Variants in TCF7L2 observed in about 807,000 individuals in gnomAD.
The protein encoded by TCF7L2 is transcription factor 7-like 2.
A neutral mutation model predicts 77.9 loss-of-function variants in TCF7L2; 23 were observed. The ratio of observed to expected loss-of-function variants is 0.30; its 90% CI spans 0.21 to 0.42. The LOEUF is 0.42. TCF7L2 is among the 10% of genes least tolerant of loss of function. TCF7L2 has a pLI of 1.00. For missense variants in TCF7L2, 654 were observed against 793.1 expected (o/e 0.82, Z 2.11); for synonymous variants, 413 against 340.2 (o/e 1.21, Z -2.36).
chr10:113,157,918 C>A, intron 11 of TCF7L2, 103 bp from the exon 12 acceptor site: 1 of 1,203,204 alleles, frequency 8.3e-7, no homozygotes, highest in Admixed American at 2.0e-5. Context: ...ATGGAGATGG[C>A]AGTATGGTCA....
At chr10:112,988,241 G>C (rs1485498210) in intron 4 of TCF7L2, among the ~76,000 whole-genome samples, 2 of 151,872 alleles carry the variant, frequency 1.3e-5, no homozygotes, top group Non-Finnish European at 2.9e-5. Flanking sequence ...GGGATTACAG[G>C]TGCCTGCCAC....
At chr10:112,972,139 A>C (rs1231349430) in intron 4 of TCF7L2, among the ~76,000 whole-genome samples, 1 of 152,054 alleles carries the variant, frequency 6.6e-6, no homozygotes, top group Non-Finnish European at 1.5e-5. Context: ...TCAATTGATC[A>C]TTTATTGGCT....
intron 5 of TCF7L2, among the ~76,000 whole-genome samples, chr10:113,044,834 G>A (rs1013576616): frequency 3.3e-5 from 5 of 152,170 alleles, no homozygotes; most frequent in African/African-American, 7.2e-5. Flanking sequence ...GCTAGAGGTC[G>A]GGCAGGGCTC....
intron 12 of TCF7L2, 56 bp from the exon 13 acceptor site, chr10:113,158,611 C>T: frequency 1.3e-6 from 2 of 1,592,816 alleles, no homozygotes. Flanking sequence ...CAGGCTTTTA[C>T]AAACAAACAA....
chr10:112,961,323 G>C (rs1004936792), intron 3 of TCF7L2, among the ~76,000 whole-genome samples: 1 of 145,468 alleles, frequency 6.9e-6, no homozygotes, highest in Non-Finnish European at 1.5e-5. Context: ...TGCCCGGCCA[G>C]AACCTGGTTT....
intron 12 of TCF7L2, among the ~76,000 whole-genome samples, chr10:113,159,647 A>G (rs1056694892): frequency 6.6e-6 from 1 of 152,120 alleles, no homozygotes; most frequent in Non-Finnish European, 1.5e-5. Flanking sequence ...TCCTTAAAGA[A>G]GGGATACTGC....
intron 4 of TCF7L2, among the ~76,000 whole-genome samples, chr10:113,008,688 T>C (rs775021718): frequency 1.3e-5 from 2 of 152,240 alleles, no homozygotes; most frequent in Non-Finnish European, 2.9e-5. Context: ...CACATTAGTA[T>C]AATCCCGTAA....
intron 11 of TCF7L2, among the ~76,000 whole-genome samples, chr10:113,154,982 A>T (rs1393130206): frequency 6.9e-6 from 1 of 144,080 alleles, no homozygotes. Flanking sequence ...CTTAACTAGT[A>T]TTTTTTTTTT....
At chr10:112,963,438 G>A (rs1222060410) in intron 3 of TCF7L2, among the ~76,000 whole-genome samples, 1 of 152,200 alleles carries the variant, frequency 6.6e-6, no homozygotes, top group Non-Finnish European at 1.5e-5. Flanking sequence ...AATAGCACAG[G>A]AGTAGTAACG....
At chr10:113,082,459 A>T (rs1432292037) in intron 5 of TCF7L2, among the ~76,000 whole-genome samples, 1 of 152,190 alleles carries the variant, frequency 6.6e-6, no homozygotes, top group Admixed American at 6.5e-5. Flanking sequence ...AAAAAGAAAC[A>T]GTTGACAAAA....
intron 5 of TCF7L2, among the ~76,000 whole-genome samples, chr10:113,103,269 G>A (rs1332533855): frequency 6.6e-6 from 1 of 152,186 alleles, no homozygotes. Context: ...CACAGATGCT[G>A]TCCAGATATG....
In TCF7L2 at chr10:113,101,842, C is replaced by CAAAAAAAAAAAAAAA. The variant is rs71007412; in HGVS notation, c.553-39341_553-39327dup. Among the ~76,000 whole-genome samples, 8 of 45,986 alleles carry CAAAAAAAAAAAAAAA rather than the reference C, an allele frequency of 1.7e-4. 2 individuals carry two copies. The highest frequency in any genetic ancestry group is 6.6e-4 in the African/African-American group (6 of 9,030). The allele number at this position is 45,986 out of a possible 152,430, so 30.2% of individuals were successfully genotyped here. A position where few individuals can be genotyped will look rare whatever the true frequency, so the allele number is the denominator to read the frequency against. The stretch of plus-strand genomic sequence containing the variant: ...TGGGCGACAGAGCGAGACTCCGTCT[C>CAAAAAAAAAAAAAAA]AAAAAAAAAAAAAAAGAGAGGTGTG... On this transcript the variant is annotated intron_variant, in intron 5 of 13. Transcript: ENST00000627217.
intron 5 of TCF7L2, among the ~76,000 whole-genome samples, chr10:113,108,239 G>A (rs1448048581): frequency 6.6e-6 from 1 of 152,200 alleles, no homozygotes; most frequent in African/African-American, 2.4e-5. Context: ...ACCAGGCAAA[G>A]GTTGCATTTT....
chr10:113,150,104 G>A (rs1191640881), intron 8 of TCF7L2, among the ~76,000 whole-genome samples: 1 of 152,214 alleles, frequency 6.6e-6, no homozygotes, highest in Non-Finnish European at 1.5e-5. Flanking sequence ...GTCCTAAAAT[G>A]TGCCTTAGAG....
Position 113,165,940 on chromosome 10 carries a change from C to CTA in TCF7L2, c.1777_1778insTA (p.Pro593LeufsTer10). 1 of 1,545,066 alleles carries CTA rather than the reference C, an allele frequency of 6.5e-7. No homozygotes were observed. Among genetic ancestry groups the CTA allele is most frequent in the Admixed American group, 2.0e-5 (1 of 48,924 alleles). ...CTCCCTGGCCGGGACCCAGCCCCAG[C>CTA]CGCTGTCGCTCGTCACCAAGTCTTT... On this transcript the variant is annotated frameshift_variant, in exon 14 of 14. Transcript: ENST00000627217. LOFTEE classifies it high-confidence loss of function.
chr10:113,037,732 A>G (rs1377780130), intron 4 of TCF7L2, among the ~76,000 whole-genome samples: 1 of 152,208 alleles, frequency 6.6e-6, no homozygotes, highest in East Asian at 1.9e-4. Flanking sequence ...ATTTGGATGT[A>G]ATCAAATCGG....
chr10:112,988,290 G>T (rs1394077647), intron 4 of TCF7L2, among the ~76,000 whole-genome samples: 1 of 152,044 alleles, frequency 6.6e-6, no homozygotes, highest in Non-Finnish European at 1.5e-5. Context: ...GTAGTGATGG[G>T]GTTTTGCCAT....
At chr10:112,957,086 C>A (rs1024031044) in intron 3 of TCF7L2, among the ~76,000 whole-genome samples, 14 of 152,130 alleles carry the variant, frequency 9.2e-5, no homozygotes, top group African/African-American at 3.4e-4. Context: ...TGCACAGATG[C>A]CTTTTTCAAA....
chr10:113,059,170 G>A (rs2055964949), intron 5 of TCF7L2, among the ~76,000 whole-genome samples: 1 of 152,168 alleles, frequency 6.6e-6, no homozygotes, highest in Non-Finnish European at 1.5e-5. Flanking sequence ...TGAACCTGAA[G>A]TTTGGGTTTT....
Sources: gnomAD v4.1 joint callset for allele counts (sites outside exome capture counted in the v4.1 genomes callset) on GRCh38, gnomAD v4.1.1 for gene constraint, MANE v1.5 for transcripts, NCBI Gene and HGNC (gene_info 2026-07-23, HGNC 2026-07-21) for gene names.